MSH4: variants seen among roughly 807,000 people sequenced by gnomAD.
MSH4 encodes the protein mutS protein homolog 4.
In MSH4, 106 loss-of-function variants were observed where a neutral mutation model predicts 113.7. That is an observed-to-expected ratio of 0.93 (90% CI 0.80 to 1.10). The LOEUF (loss-of-function observed/expected upper bound fraction) is 1.10, where lower values mean the gene tolerates loss of function less well. Ranked by LOEUF, MSH4 falls within the 50% of genes least tolerant of loss-of-function variation. The probability of loss-of-function intolerance (pLI) is 0.00; values close to 1 mark genes in which losing one functional copy is unlikely to be tolerated. For missense variants in MSH4, 1,061 were observed against 1,093.7 expected, an observed-to-expected ratio of 0.97 and a Z score of 0.42; for synonymous variants, 368 against 380.2, an observed-to-expected ratio of 0.97 and a Z score of 0.37.
At chr1:75,833,339 T>C (rs959333954) in intron 7 of MSH4, among the ~76,000 whole-genome samples, 11 of 152,166 alleles carry the variant, frequency 7.2e-5, no homozygotes, top group Non-Finnish European at 1.3e-4. Context: ...AGAATCAATA[T>C]TGTGAAAATT....
chr1:75,827,341 T>C (rs1167509032), intron 7 of MSH4, among the ~76,000 whole-genome samples: 1 of 152,042 alleles, frequency 6.6e-6, no homozygotes, highest in Non-Finnish European at 1.5e-5. Context: ...AAGGAAGCAT[T>C]AAATATGGAA....
chr1:75,824,820 C>A (rs1650509157), intron 7 of MSH4, among the ~76,000 whole-genome samples: 1 of 150,518 alleles, frequency 6.6e-6, no homozygotes, highest in Non-Finnish European at 1.5e-5. Flanking sequence ...GTCTATATAT[C>A]TGTTTTGGTA....
chr1:75,810,007 CTAAGTA>C (rs1179807335), intron 3 of MSH4, among the ~76,000 whole-genome samples: 1 of 151,824 alleles, frequency 6.6e-6, no homozygotes, highest in Non-Finnish European at 1.5e-5. Context: ...GGATAAAATA[CTAAGTA>C]TAAGAATTTA....
At chr1:75,879,149 G>T (rs778415755) in intron 12 of MSH4, 21 bp downstream of exon 12, 1 of 1,597,778 alleles carries the variant, frequency 6.3e-7, no homozygotes, top group Admixed American at 1.7e-5. Context: ...GAGTGGTTAG[G>T]AAATTAGTGT....
At chr1:75,825,971 G>GC (rs1471777544) in intron 7 of MSH4, among the ~76,000 whole-genome samples, 2 of 152,044 alleles carry the variant, frequency 1.3e-5, no homozygotes, top group African/African-American at 4.8e-5. Flanking sequence ...GGATGATACT[G>GC]CCCTCATAAA....
At chr1:75,901,471 A>G (rs1434602228) in intron 19 of MSH4, among the ~76,000 whole-genome samples, 1 of 152,146 alleles carries the variant, frequency 6.6e-6, no homozygotes, top group African/African-American at 2.4e-5. Flanking sequence ...CCATGTTGCT[A>G]CAAATGCAAG....
intron 9 of MSH4, among the ~76,000 whole-genome samples, chr1:75,876,716 C>G (rs1400264039): frequency 6.6e-6 from 1 of 151,912 alleles, no homozygotes; most frequent in Non-Finnish European, 1.5e-5. Flanking sequence ...TTATAATAAG[C>G]AGTGGATGGC....
intron 19 of MSH4, among the ~76,000 whole-genome samples, chr1:75,905,875 C>T (rs1193121433): frequency 6.6e-6 from 1 of 152,000 alleles, no homozygotes; most frequent in African/African-American, 2.4e-5. Flanking sequence ...TACTCCTGCT[C>T]TTTTTTGGTT....
At chr1:75,836,529 A>G (rs559213318) in intron 7 of MSH4, among the ~76,000 whole-genome samples, 5 of 152,070 alleles carry the variant, frequency 3.3e-5, no homozygotes, top group African/African-American at 1.2e-4. Flanking sequence ...CACATTCTTA[A>G]TAAATTACTG....
At chr1:75,813,232 T>G (rs973125820) in intron 4 of MSH4, among the ~76,000 whole-genome samples, 1 of 152,138 alleles carries the variant, frequency 6.6e-6, no homozygotes, top group Admixed American at 6.5e-5. Flanking sequence ...GTAATCACTA[T>G]TTCTGGGGGT....
At chr1:75,873,164 G>T (rs779227850) in intron 9 of MSH4, among the ~76,000 whole-genome samples, 2 of 152,090 alleles carry the variant, frequency 1.3e-5, no homozygotes, top group Non-Finnish European at 2.9e-5. Context: ...TTTCCAATTG[G>T]TCTCACAAAC....
chr1:75,855,074 G>C (rs76532097), intron 8 of MSH4, among the ~76,000 whole-genome samples: 19,712 of 151,282 alleles, frequency 0.13, 1,496 homozygotes, highest in East Asian at 0.27. Context: ...GTCTCACTCT[G>C]TTATCTAAGC....
chr1:75,866,659 A>C (rs148796284), intron 8 of MSH4, among the ~76,000 whole-genome samples: 1 of 152,078 alleles, frequency 6.6e-6, no homozygotes, highest in South Asian at 2.1e-4. Context: ...GGTATTGTGC[A>C]GTGGGGCTAT....
At chr1:75,855,133 G>A (rs2100551445) in intron 8 of MSH4, among the ~76,000 whole-genome samples, 2 of 151,974 alleles carry the variant, frequency 1.3e-5, no homozygotes, top group African/African-American at 4.8e-5. Flanking sequence ...GACCTCCCTG[G>A]CTTGTGCAAT....
At chr1:75,850,349 G>T (rs1651158715) in intron 8 of MSH4, among the ~76,000 whole-genome samples, 1 of 151,972 alleles carries the variant, frequency 6.6e-6, no homozygotes, top group Non-Finnish European at 1.5e-5. Flanking sequence ...TAGATATGTT[G>T]TGATTTCTTT....
chr1:75,817,698 G>T (rs994286036), intron 6 of MSH4, among the ~76,000 whole-genome samples: 2 of 152,138 alleles, frequency 1.3e-5, no homozygotes, highest in Admixed American at 1.3e-4. Flanking sequence ...GCTTCCATAG[G>T]CTTGCTGCCT....
intron 4 of MSH4, among the ~76,000 whole-genome samples, chr1:75,811,110 G>T (rs1650181674): frequency 6.6e-6 from 1 of 152,112 alleles, no homozygotes; most frequent in South Asian, 2.1e-4. Context: ...GACCTCAAGT[G>T]ATCGATCTGC....
intron 7 of MSH4, among the ~76,000 whole-genome samples, chr1:75,842,761 G>A (rs973854905): frequency 3.3e-5 from 5 of 152,096 alleles, no homozygotes; most frequent in African/African-American, 4.8e-5. Context: ...TTGGTCTAGC[G>A]GTAGCATAAG....
intron 6 of MSH4, 102 bp from the exon 7 acceptor site, chr1:75,822,304 AAAG>A (rs1456905964): frequency 1.6e-5 from 12 of 745,914 alleles, no homozygotes; most frequent in Admixed American, 3.5e-5. Context: ...AAAAAAAAAA[AAAG>A]AATCATTGCT....
Sources: allele counts gnomAD v4.1 joint callset (sites outside exome capture counted in the v4.1 genomes callset), GRCh38; gene constraint gnomAD v4.1.1; transcripts MANE v1.5; gene names NCBI Gene and HGNC (gene_info 2026-07-23, HGNC 2026-07-21).